The following GCC2 variants were observed in gnomAD, a reference collection of about 807,000 sequenced individuals.
GCC2 encodes GRIP and coiled-coil domain containing 2, also known as GRIP and coiled-coil domain-containing protein 2.
In GCC2, 120 loss-of-function variants were observed where a neutral mutation model predicts 210.6. That is an observed-to-expected ratio of 0.57 (90% CI 0.49 to 0.66). The LOEUF (loss-of-function observed/expected upper bound fraction) is 0.66. Among genes scored for constraint, GCC2 ranks in the 30% least tolerant of loss-of-function variants. GCC2 has a pLI of 0.00. For missense variants in GCC2, 1,868 were observed against 1,871.9 expected, an observed-to-expected ratio of 1.00 and a Z score of 0.04; for synonymous variants, 703 against 652.7, an observed-to-expected ratio of 1.08 and a Z score of -1.17.
In GCC2 at chr2:108,496,332, C is replaced by T. The variant is rs3207860; in HGVS notation, c.4643-638C>T. 3.6e-3 allele frequency: 549 copies of T among 151,598 alleles called. 2 individuals are homozygous for T. Among genetic ancestry groups the T allele is most frequent in the Non-Finnish European group, 5.1e-3 (347 of 67,692 alleles). 9.4% of individuals were successfully genotyped at this position (151,598 alleles called of 1,614,324 possible). ...AAAATTTAGGGGGAATCTGTCATCTCCCTGAAACTTCAGAATCACCTGGAG... is the reference window on the plus strand; with the variant it reads ...AAAATTTAGGGGGAATCTGTCATCTTCCTGAAACTTCAGAATCACCTGGAG... On this transcript the variant is annotated intron_variant, in intron 20 of 22. Coordinates refer to ENST00000309863, the MANE Select transcript of GCC2 (RefSeq NM_181453.4).
intron 22 of GCC2, among the ~76,000 whole-genome samples, chr2:108,506,151 CATTT>C (rs1331115509): frequency 1.3e-5 from 2 of 152,148 alleles, no homozygotes; most frequent in Admixed American, 1.3e-4. Flanking sequence ...ATCTCCAAAA[CATTT>C]AATTAAAAAC....
intron 4 of GCC2, among the ~76,000 whole-genome samples, chr2:108,461,774 G>A (rs376116553): frequency 7.9e-5 from 12 of 151,042 alleles, no homozygotes; most frequent in African/African-American, 2.7e-4. Flanking sequence ...AAAGTTCTGG[G>A]ATTGCAAGCA....
chr2:108,485,051 C>T (rs971507662), intron 13 of GCC2, among the ~76,000 whole-genome samples: 1 of 151,796 alleles, frequency 6.6e-6, no homozygotes, highest in African/African-American at 2.4e-5. Flanking sequence ...AATCATCATT[C>T]TCAGTAAACT....
At chr2:108,462,250 TGGGAGGCCGAGGCGGGCAGA>T (rs1680629736) in intron 4 of GCC2, among the ~76,000 whole-genome samples, 1 of 146,086 alleles carries the variant, frequency 6.8e-6, no homozygotes, top group East Asian at 2.3e-4. Flanking sequence ...CCCAGCACTT[TGGGAGGCCGAGGCGGGCAGA>T]TCATGAGGTC....
chr2:108,492,566 CT>C lies in GCC2; in HGVS notation c.4230-4del, dbSNP rs1682456289. ...GATCTTCTGTAACTAAGTTTCTCAT[CT>C]TTCAGATTGTGTTCAATACAGTCAG... is the stretch of plus-strand genomic sequence containing the variant. On this transcript the variant is annotated splice_region_variant and splice_polypyrimidine_tract_variant and intron_variant, in intron 18 of 22. Coordinates refer to ENST00000309863, the MANE Select transcript of GCC2 (RefSeq NM_181453.4). 6 of 1,583,332 alleles carry C rather than the reference CT, an allele frequency of 3.8e-6. No individual in the cohort carries two copies. In the East Asian group the frequency reaches 1.3e-4, roughly 35 times the overall value.
intron 4 of GCC2, among the ~76,000 whole-genome samples, chr2:108,456,193 G>T (rs1399961745): frequency 2.0e-5 from 3 of 152,106 alleles, no homozygotes; most frequent in Non-Finnish European, 4.4e-5. Context: ...CACCATATTA[G>T]CCAGGATGGT....
intron 9 of GCC2, among the ~76,000 whole-genome samples, chr2:108,477,626 T>A (rs1167443248): frequency 2.0e-5 from 3 of 152,218 alleles, no homozygotes; most frequent in Non-Finnish European, 2.9e-5. Flanking sequence ...TTTATTTCAC[T>A]CCACATACCA....
At position 108,470,648 on chromosome 2, in the gene GCC2, T is replaced by C; in HGVS notation, c.1319T>C (p.Leu440Pro). 1 of 1,612,168 alleles carries C rather than the reference T, an allele frequency of 6.2e-7. No individual in the cohort carries two copies. The highest frequency in any genetic ancestry group is 1.1e-5 in the South Asian group (1 of 90,868). Reference protein sequence around the residue: ...KEQHQKEISELNETFLSDSEK... With the variant: ...KEQHQKEISEPNETFLSDSEK... Reference sequence around the variant, plus strand: ...CAACATCAAAAAGAAATATCAGAACTAAATGAGACATTTTTGTCAGATTCA... The same window carrying C: ...CAACATCAAAAAGAAATATCAGAACCAAATGAGACATTTTTGTCAGATTCA... The change falls in exon 6 of 23, where the codon CTA (leucine) becomes CCA (proline). Residue 440 changes from leucine to proline, a missense_variant. Physicochemically the swap from Leu to Pro is moderately conservative, Grantham distance 98 (BLOSUM62 -3). Around this residue, in one of 3 missense-constraint regions of GCC2, gnomAD observed 1,847 missense variants for 1,765.2 expected, o/e 1.05. Transcript: ENST00000309863.
intron 12 of GCC2, 138 bp from the exon 13 acceptor site, chr2:108,484,011 G>A (rs1682003457): frequency 2.2e-6 from 1 of 456,384 alleles, no homozygotes; most frequent in Admixed American, 4.3e-5. Flanking sequence ...CTTTGTTACA[G>A]TGTAAACAAT....
rs781607007 is a variant in GCC2, at chr2:108,469,964, A to C, written c.635A>C (p.Lys212Thr). 6.2e-7 allele frequency: 1 copy of C among 1,613,424 alleles called. No individual in the cohort carries two copies. Among genetic ancestry groups the C allele is most frequent in the Non-Finnish European group, 8.5e-7 (1 of 1,179,590 alleles). ...QKQLDATTDE[K>T]KETVTQLQNI... Reference sequence around the variant, plus strand: ...CAATTAGACGCTACCACTGATGAAAAGAAGGAAACAGTTACTCAACTCCAA... The same window carrying C: ...CAATTAGACGCTACCACTGATGAAACGAAGGAAACAGTTACTCAACTCCAA... Residue 212 changes from lysine to threonine, a missense_variant, in exon 6 of 23, where the codon AAG becomes ACG. Transcript: ENST00000309863.
At position 108,483,131 on chromosome 2, in the gene GCC2, C is replaced by G; in HGVS notation, c.3415C>G (p.Gln1139Glu). The G allele has an allele frequency of 2.5e-6, 4 of 1,574,252 alleles. No homozygotes were observed. The highest frequency in any genetic ancestry group is 3.5e-6 in the Non-Finnish European group (4 of 1,144,154). ...ACTTCAAAAGCAAAAGAAACAGCTT[C>G]AGAAAACCATGCAAGAATTAGAGCT... Reference protein sequence around the residue: ...VQLQKQKKQLQKTMQELELVK... With the variant: ...VQLQKQKKQLEKTMQELELVK... Residue 1139 changes from glutamine to glutamate, a missense_variant, in exon 12 of 23, where the codon CAG (glutamine) becomes GAG (glutamate). Coordinates refer to ENST00000309863, the MANE Select transcript of GCC2 (RefSeq NM_181453.4).
Position 108,481,922 on chromosome 2 carries a change from TC to T in GCC2, c.3180+114del, listed in dbSNP as rs374872664. On this transcript the variant is annotated intron_variant, in intron 10 of 22. Transcript: ENST00000309863. ...AAATATAGTCGGAAACAGAATTTAT[TC>T]CCCCCCCACTTTACCCTCCTTCCCA... The T allele has an allele frequency of 5.5e-5, 43 of 781,274 alleles. 1 individual carries two copies. Among genetic ancestry groups the T allele is most frequent in the South Asian group, 2.0e-4 (9 of 44,638 alleles). The allele number at this position is 781,274 out of a possible 1,614,324, so 48.4% of individuals were successfully genotyped here. A position where few individuals can be genotyped will look rare whatever the true frequency, so the allele number is the denominator to read the frequency against.
intron 22 of GCC2, among the ~76,000 whole-genome samples, chr2:108,501,320 A>G (rs950387279): frequency 3.5e-4 from 53 of 152,032 alleles, no homozygotes; most frequent in South Asian, 1.9e-3. Context: ...AATTATATAT[A>G]TAAATATATT....
At chr2:108,458,572 G>A (rs947102230) in intron 4 of GCC2, among the ~76,000 whole-genome samples, 1 of 151,622 alleles carries the variant, frequency 6.6e-6, no homozygotes, top group Non-Finnish European at 1.5e-5. Flanking sequence ...TTTGTGGGGA[G>A]ACTTTTTATT....
At position 108,465,461 on chromosome 2, in the gene GCC2, A is replaced by G. The variant is rs142105253; in HGVS notation, c.217-3519A>G. On this transcript the variant is annotated intron_variant, in intron 4 of 22. Coordinates refer to ENST00000309863, the MANE Select transcript of GCC2 (RefSeq NM_181453.4). The stretch of plus-strand genomic sequence containing the variant: ...TAGTGCACCCATCACCAGAGTAGTG[A>G]ACATTATACCTACTGTGTAGTTTTT... Among the ~76,000 whole-genome samples, 669 of 152,276 alleles carry G rather than the reference A, an allele frequency of 4.4e-3. 4 individuals are homozygous for G. The highest frequency in any genetic ancestry group is 0.013 in the South Asian group (64 of 4,820).
chr2:108,495,379 G>T lies in GCC2; in HGVS notation c.4536G>T (p.Arg1512=), dbSNP rs1307478750. ...LPLLDMHTVT[R]EEGEGMETTD... is the part of the protein sequence containing the mutation. ...TTCTAGACATGCACACTGTAACCCGGGAAGAGGGAGAAGGCATGGAGACAA... is the reference window on the plus strand; with the variant it reads ...TTCTAGACATGCACACTGTAACCCGTGAAGAGGGAGAAGGCATGGAGACAA... Residue 1512 remains arginine (R), a synonymous_variant, in exon 20 of 23, where the codon CGG becomes CGT. Coordinates refer to ENST00000309863, the MANE Select transcript of GCC2 (RefSeq NM_181453.4). 1.3e-6 allele frequency: 2 copies of T among 1,576,406 alleles called. No individual in the cohort carries two copies. Among genetic ancestry groups the T allele is most frequent in the Admixed American group, 1.7e-5 (1 of 59,960 alleles).
In GCC2 at chr2:108,470,097, G is replaced by T. The variant is rs746374412; in HGVS notation, c.768G>T (p.Met256Ile). Residue 256 changes from methionine (M) to isoleucine (I), a missense_variant, in exon 6 of 23, where the codon ATG becomes ATT. Physicochemically the swap from Met to Ile is conservative, Grantham distance 10. Coordinates refer to ENST00000309863, the MANE Select transcript of GCC2 (RefSeq NM_181453.4). ...ACCAAGAAGAGGTGAAAGAGTTGAT[G>T]TGCCAGATTGAAGCATCAGCTAAGG... is the stretch of plus-strand genomic sequence containing the variant. ...AIHQEEVKEL[M>I]CQIEASAKEH... 6.2e-6 allele frequency: 10 copies of T among 1,613,668 alleles called. No individual in the cohort carries two copies. Among genetic ancestry groups the T allele is most frequent in the Non-Finnish European group, 7.6e-6 (9 of 1,179,720 alleles).
At chr2:108,487,251 C>T (rs1233322208) in intron 16 of GCC2, among the ~76,000 whole-genome samples, 3 of 152,140 alleles carry the variant, frequency 2.0e-5, no homozygotes, top group Non-Finnish European at 4.4e-5. Context: ...GTTCCAAAAG[C>T]ACATAGTGTC....
intron 20 of GCC2, 163 bp downstream of exon 20, chr2:108,495,648 T>C (rs1682615615): frequency 4.5e-6 from 2 of 448,386 alleles, no homozygotes; most frequent in Non-Finnish European, 8.2e-6. Context: ...ACAGAACTAA[T>C]TGGATGGTTG....
Sources: allele counts gnomAD v4.1 joint callset (sites outside exome capture counted in the v4.1 genomes callset), GRCh38; gene constraint gnomAD v4.1.1; regional missense constraint gnomAD v4.1.1; transcripts MANE v1.5; gene names NCBI Gene and HGNC (gene_info 2026-07-23, HGNC 2026-07-21).